ASCC1: variants seen among roughly 807,000 people sequenced by gnomAD.
The protein encoded by ASCC1 is activating signal cointegrator 1 complex subunit 1, also known as ASC-1 complex subunit P50.
In ASCC1, 35 loss-of-function variants were observed where a neutral mutation model predicts 46.6. The observed-to-expected ratio is 0.75, with a 90% CI of 0.57 to 0.99. The LOEUF is 0.99. ASCC1 is among the 50% of genes least tolerant of loss of function. ASCC1 has a pLI of 0.00. For synonymous variants in ASCC1, 143 were observed against 146.6 expected, an observed-to-expected ratio of 0.98 and a Z score of 0.18; for missense variants, 376 against 428.7, an observed-to-expected ratio of 0.88 and a Z score of 1.09.
intron 9 of ASCC1, among the ~76,000 whole-genome samples, chr10:72,100,717 T>C (rs918428261): frequency 1.3e-5 from 2 of 152,098 alleles, no homozygotes; most frequent in South Asian, 2.1e-4. Context: ...CTTAAGTCTT[T>C]TAGTTCTATC....
Position 72,210,908 on chromosome 10 carries a change from G to A in ASCC1, c.113-77C>T, listed in dbSNP as rs73276912. 7,247 of 1,373,940 alleles carry A rather than the reference G, an allele frequency of 5.3e-3. 362 individuals carry two copies. The African/African-American group carries it at 0.093, about 18-fold the overall frequency. 85.1% of individuals were successfully genotyped at this position (1,373,940 alleles called of 1,614,324 possible). On this transcript the variant is annotated intron_variant, in intron 2 of 9. Transcript: ENST00000672957. ...ACAGCTTTCGCCTCAGCTGTCAACC[G>A]CTGTTGAGGTTTAAAAAAAGCAATA...
chr10:72,152,845 C>T, intron 7 of ASCC1, 24 bp downstream of exon 7: 2 of 1,613,874 alleles, frequency 1.2e-6, no homozygotes, highest in South Asian at 2.2e-5. Flanking sequence ...TTGATTGAAA[C>T]AAAGAAGCAT....
intron 6 of ASCC1, among the ~76,000 whole-genome samples, chr10:72,160,745 T>A (rs1849556982): frequency 6.7e-6 from 1 of 149,646 alleles, no homozygotes; most frequent in African/African-American, 2.4e-5. Flanking sequence ...TTTTATTTTT[T>A]AAAATTCTTG....
intron 5 of ASCC1, chr10:72,189,843 T>G: frequency 2.8e-5 from 13 of 461,912 alleles, no homozygotes; most frequent in Admixed American, 7.4e-5. Context: ...ACATGAACCA[T>G]TGTTCTATTT....
chr10:72,174,777 G>A (rs183720330), intron 5 of ASCC1, among the ~76,000 whole-genome samples: 60 of 152,316 alleles, frequency 3.9e-4, no homozygotes, highest in Admixed American at 2.9e-3. Context: ...CAAACCAGCT[G>A]TAATTAGGCA....
intron 9 of ASCC1, among the ~76,000 whole-genome samples, chr10:72,117,338 G>T (rs760276328): frequency 6.6e-6 from 1 of 152,162 alleles, no homozygotes; most frequent in African/African-American, 2.4e-5. Flanking sequence ...GAGGGTGATG[G>T]TACCTTCTTC....
At chr10:72,216,633 C>G (rs1859401655), upstream of ASCC1, among the ~76,000 whole-genome samples, 1 of 151,940 alleles carries the variant, frequency 6.6e-6, no homozygotes, top group South Asian at 2.1e-4. Context: ...AGGAATTACT[C>G]TTTTTAAGAA....
chr10:72,144,998 G>A (rs1370909327), intron 7 of ASCC1, among the ~76,000 whole-genome samples: 1 of 151,978 alleles, frequency 6.6e-6, no homozygotes, highest in African/African-American at 2.4e-5. Context: ...CTCCGTTTTT[G>A]TTCATCTCTG....
chr10:72,102,626 C>T (rs1841904382), intron 9 of ASCC1, among the ~76,000 whole-genome samples: 1 of 152,054 alleles, frequency 6.6e-6, no homozygotes, highest in Non-Finnish European at 1.5e-5. Context: ...TATGAACTCA[C>T]AATTATCATA....
At chr10:72,214,556 T>C (rs1329200619) in intron 1 of ASCC1, among the ~76,000 whole-genome samples, 2 of 151,880 alleles carry the variant, frequency 1.3e-5, no homozygotes, top group Admixed American at 6.6e-5. Flanking sequence ...TTTGTATTTT[T>C]AGTAGAGATG....
At chr10:72,177,999 T>C (rs2132971419) in intron 5 of ASCC1, among the ~76,000 whole-genome samples, 1 of 152,266 alleles carries the variant, frequency 6.6e-6, no homozygotes, top group African/African-American at 2.4e-5. Context: ...GAAAGGTGAC[T>C]TCAGGGAATG....
At chr10:72,187,087 C>T (rs750174852) in intron 5 of ASCC1, among the ~76,000 whole-genome samples, 5 of 152,134 alleles carry the variant, frequency 3.3e-5, no homozygotes, top group African/African-American at 9.7e-5. Context: ...CAAAACTTAG[C>T]CCCTACTCCC....
At chr10:72,137,973 T>C (rs190268080) in intron 7 of ASCC1, among the ~76,000 whole-genome samples, 1 of 152,206 alleles carries the variant, frequency 6.6e-6, no homozygotes, top group East Asian at 1.9e-4. Context: ...CAAGCGATTC[T>C]CCTACCTCAG....
Position 72,102,557 on chromosome 10 carries a change from T to C in ASCC1, c.958-5107A>G. The C allele has an allele frequency of 1.5e-5, 10 of 676,282 alleles. No individual in the cohort carries two copies. In the South Asian group the frequency reaches 1.6e-4, roughly 11 times the overall value. The allele number at this position is 676,282 out of a possible 1,614,324, so 41.9% of individuals were successfully genotyped here. A position where few individuals can be genotyped will look rare whatever the true frequency, so the allele number is the denominator to read the frequency against. ...TTGCAAATACATGTATTTCCTCTAG[T>C]TTGTCACTTGTCTTTTGACTCTGCT... On this transcript the variant is annotated intron_variant, in intron 9 of 9. Coordinates refer to ENST00000672957, the MANE Select transcript of ASCC1 (RefSeq NM_001198800.3).
At chr10:72,210,671 C>T in intron 3 of ASCC1, 61 bp downstream of exon 3, 1 of 1,378,876 alleles carries the variant, frequency 7.3e-7, no homozygotes, top group East Asian at 2.3e-5. Context: ...ACCAAAGGGT[C>T]CACTTCCCGC....
At chr10:72,167,454 G>C (rs887782282) in intron 5 of ASCC1, among the ~76,000 whole-genome samples, 16 of 152,100 alleles carry the variant, frequency 1.1e-4, no homozygotes, top group Admixed American at 1.0e-3. Context: ...GTGAGGAGTG[G>C]GGCGGCAAAC....
chr10:72,129,274 C>G (rs926203001), intron 8 of ASCC1, among the ~76,000 whole-genome samples: 1 of 151,958 alleles, frequency 6.6e-6, no homozygotes, highest in Admixed American at 6.6e-5. Context: ...TAAATTGATA[C>G]CAAATAAATA....
intron 9 of ASCC1, chr10:72,102,402 A>G (rs1381538598): frequency 6.5e-7 from 1 of 1,549,680 alleles, no homozygotes; most frequent in Non-Finnish European, 8.7e-7. Context: ...GAGAATATGC[A>G]TCAGAGACAC....
chr10:72,210,583 A>C, intron 3 of ASCC1, 149 bp downstream of exon 3: 1 of 688,720 alleles, frequency 1.5e-6, no homozygotes, highest in South Asian at 1.7e-5. Flanking sequence ...TTAATCTGTA[A>C]TCAGTCCTTT....
Sources: allele counts gnomAD v4.1 joint callset (sites outside exome capture counted in the v4.1 genomes callset), GRCh38; gene constraint gnomAD v4.1.1; transcripts MANE v1.5; gene names NCBI Gene and HGNC (gene_info 2026-07-23, HGNC 2026-07-21).